Variants in CHD9NB observed in about 807,000 individuals in gnomAD.
The protein encoded by CHD9NB is CHD9 neighbor protein.
chr16:53,048,705 C>G, the CHD9NB span, among the ~76,000 whole-genome samples: 1 of 152,174 alleles, frequency 6.6e-6, no homozygotes, highest in Non-Finnish European at 1.5e-5. Flanking sequence ...ATTAAGGAGG[C>G]CTGAGCCTAC....
chr16:53,037,547 T>C, the CHD9NB span, among the ~76,000 whole-genome samples: 1 of 152,186 alleles, frequency 6.6e-6, no homozygotes, highest in East Asian at 1.9e-4. Flanking sequence ...CTAGTGGGCT[T>C]TTTGTTGCTA....
At chr16:53,039,781 G>A in the CHD9NB span, among the ~76,000 whole-genome samples, 1 of 151,760 alleles carries the variant, frequency 6.6e-6, no homozygotes, top group South Asian at 2.1e-4. Flanking sequence ...CAGTGGACTA[G>A]TTTGGGTTTC....
the CHD9NB span, among the ~76,000 whole-genome samples, chr16:53,048,894 G>A: frequency 6.6e-6 from 1 of 152,230 alleles, no homozygotes; most frequent in Non-Finnish European, 1.5e-5. Context: ...CTTGAAACTA[G>A]TAGGTATATA....
chr16:53,038,397 G>C, the CHD9NB span, among the ~76,000 whole-genome samples: 2 of 152,078 alleles, frequency 1.3e-5, no homozygotes, highest in African/African-American at 4.8e-5. Context: ...ACCTAGGCTG[G>C]AATGCAGTGA....
chr16:53,039,434 C>G, the CHD9NB span, among the ~76,000 whole-genome samples: 1 of 152,132 alleles, frequency 6.6e-6, no homozygotes, highest in East Asian at 1.9e-4. Flanking sequence ...ACTTTCCTTT[C>G]CTAATTGCTT....
At chr16:53,044,603 T>A in the CHD9NB span, among the ~76,000 whole-genome samples, 1 of 152,144 alleles carries the variant, frequency 6.6e-6, no homozygotes, top group East Asian at 1.9e-4. Flanking sequence ...AGACCACCCT[T>A]TAACCTAGAA....
the CHD9NB span, among the ~76,000 whole-genome samples, chr16:53,040,205 G>A: frequency 6.6e-6 from 1 of 152,040 alleles, no homozygotes; most frequent in Non-Finnish European, 1.5e-5. Flanking sequence ...AAGTAGCTGG[G>A]ATTACAGGCA....
At chr16:53,047,346 A>G in the CHD9NB span, 1 of 152,218 alleles carries the variant, frequency 6.6e-6, no homozygotes, top group African/African-American at 2.4e-5. Flanking sequence ...ATTTACCTGT[A>G]TTAGTGAGCC....
At chr16:53,052,214 A>G in the CHD9NB span, among the ~76,000 whole-genome samples, 1 of 147,498 alleles carries the variant, frequency 6.8e-6, no homozygotes, top group Non-Finnish European at 1.5e-5. Flanking sequence ...AAAAAAAACA[A>G]TAAACCCCAT....
the CHD9NB span, among the ~76,000 whole-genome samples, chr16:53,041,801 G>T: frequency 2.0e-5 from 3 of 151,966 alleles, no homozygotes; most frequent in Admixed American, 6.5e-5. Flanking sequence ...AAAATTGAAA[G>T]GAGTTCCCAG....
chr16:53,046,676 C>T, the CHD9NB span, among the ~76,000 whole-genome samples: 2 of 152,084 alleles, frequency 1.3e-5, no homozygotes, highest in African/African-American at 2.4e-5. Flanking sequence ...CAGAGCTAGA[C>T]CCTGCCTTAA....
At chr16:53,048,291 A>G in the CHD9NB span, among the ~76,000 whole-genome samples, 1 of 152,064 alleles carries the variant, frequency 6.6e-6, no homozygotes, top group African/African-American at 2.4e-5. Flanking sequence ...CTGCAGTCCC[A>G]GCTACTACAG....
At chr16:53,036,911 C>T in the CHD9NB span, among the ~76,000 whole-genome samples, 9 of 152,082 alleles carry the variant, frequency 5.9e-5, no homozygotes, top group African/African-American at 1.2e-4. Context: ...AAGTGTTTCC[C>T]GGGCAGCTGT....
chr16:53,041,646 G>T, the CHD9NB span, among the ~76,000 whole-genome samples: 1 of 152,158 alleles, frequency 6.6e-6, no homozygotes, highest in African/African-American at 2.4e-5. Flanking sequence ...CCACCTCAAA[G>T]CCTCACCACC....
the CHD9NB span, among the ~76,000 whole-genome samples, chr16:53,038,994 T>C: frequency 6.6e-6 from 1 of 151,384 alleles, no homozygotes; most frequent in Non-Finnish European, 1.5e-5. Context: ...CCCCTCATCT[T>C]CCCTTTAAAC....
chr16:53,052,719 T>G, the CHD9NB span: 1 of 153,332 alleles, frequency 6.5e-6, no homozygotes, highest in Admixed American at 6.5e-5. Flanking sequence ...TCAGACACTT[T>G]AAAGTGAAAG....
At chr16:53,049,901 TTAATAA>T in the CHD9NB span, among the ~76,000 whole-genome samples, 1 of 152,154 alleles carries the variant, frequency 6.6e-6, no homozygotes, top group African/African-American at 2.4e-5. Flanking sequence ...TAAGATGTAA[TTAATAA>T]TAACTGCTTC....
chr16:53,051,768 A>AAAATAT, the CHD9NB span, among the ~76,000 whole-genome samples: 1 of 104,644 alleles, frequency 9.6e-6, no homozygotes, highest in African/African-American at 5.2e-5. Context: ...TAAAAGTATA[A>AAAATAT]ATATATATAT....
At chr16:53,046,850 GATGAAGCACAAGGCCC>G in the CHD9NB span, among the ~76,000 whole-genome samples, 1 of 152,160 alleles carries the variant, frequency 6.6e-6, no homozygotes, top group Admixed American at 6.5e-5. Context: ...CAGAACTTTA[GATGAAGCACAAGGCCC>G]ATGAATCCAG....
Sources: allele counts gnomAD v4.1 joint callset (sites outside exome capture counted in the v4.1 genomes callset), GRCh38; gene constraint gnomAD v4.1.1; transcripts MANE v1.5; gene names NCBI Gene and HGNC (gene_info 2026-07-23, HGNC 2026-07-21).